PLXNA4: variants seen among roughly 807,000 people sequenced by gnomAD.
PLXNA4 encodes the protein plexin A4.
Under a neutral mutation model 191.8 loss-of-function variants are expected in PLXNA4, and 44 were observed. The ratio of observed to expected loss-of-function variants is 0.23; its 90% CI spans 0.18 to 0.29. The LOEUF is 0.29. Ranked by LOEUF, PLXNA4 falls within the 10% of genes least tolerant of loss-of-function variation. The pLI is 1.00. For synonymous variants in PLXNA4, 1,082 were observed against 1,009.5 expected (o/e 1.07, Z -1.36); for missense variants, 1,800 against 2,488.8 (o/e 0.72, Z 5.89).
rs548452132 is a variant in PLXNA4 at position 132,281,864 on chromosome 7, G to A, written c.1503+16227C>T. ...CCTCTGTGTTGTACAAAAAATTTCC[G>A]TGGTCACTTGTACATCATTGCAAAG... On this transcript the variant is annotated intron_variant, in intron 4 of 31. Transcript: ENST00000321063. Among the ~76,000 whole-genome samples, 14 of 152,258 alleles carry A rather than the reference G, an allele frequency of 9.2e-5. No homozygotes were observed. In the South Asian group the frequency reaches 2.7e-3, roughly 29 times the overall value.
chr7:132,282,814 T>C (rs2116406802), intron 4 of PLXNA4, among the ~76,000 whole-genome samples: 1 of 152,130 alleles, frequency 6.6e-6, no homozygotes, highest in African/African-American at 2.4e-5. Context: ...AAACAGTAAA[T>C]AAGTAGCCTC....
At chr7:132,317,894 C>G (rs1251385319) in intron 3 of PLXNA4, among the ~76,000 whole-genome samples, 1 of 152,172 alleles carries the variant, frequency 6.6e-6, no homozygotes, top group Non-Finnish European at 1.5e-5. Flanking sequence ...AATCCAAGAG[C>G]AGGGAGTGGA....
At chr7:132,298,702 AG>A (rs774651028) in intron 3 of PLXNA4, among the ~76,000 whole-genome samples, 22 of 152,266 alleles carry the variant, frequency 1.4e-4, no homozygotes, top group Non-Finnish European at 3.1e-4. Context: ...TGAACCAGGC[AG>A]GGGGCCAACC....
chr7:132,614,441 T>A (rs1365057987), intron 2 of PLXNA4, among the ~76,000 whole-genome samples: 1 of 152,256 alleles, frequency 6.6e-6, no homozygotes, highest in Non-Finnish European at 1.5e-5. Context: ...GATAGCAGGA[T>A]GCAGCAGACA....
At chr7:132,230,460 C>A (rs534504746) in intron 5 of PLXNA4, among the ~76,000 whole-genome samples, 1 of 152,174 alleles carries the variant, frequency 6.6e-6, no homozygotes, top group East Asian at 1.9e-4. Context: ...ACTTGTTGGA[C>A]GAAGATAAAT....
chr7:132,179,446 C>T, intron 20 of PLXNA4, among the ~76,000 whole-genome samples: 1 of 150,082 alleles, frequency 6.7e-6, no homozygotes, highest in South Asian at 2.1e-4. Flanking sequence ...CAGCACTGCT[C>T]ACTGCTGCCC....
chr7:132,634,804 A>G (rs1425140352), intron 2 of PLXNA4, among the ~76,000 whole-genome samples: 1 of 152,066 alleles, frequency 6.6e-6, no homozygotes, highest in African/African-American at 2.4e-5. Flanking sequence ...GGTTAATACC[A>G]AGTCTCAACT....
At chr7:132,533,353 C>T (rs561687481) in intron 1 of PLXNA4, among the ~76,000 whole-genome samples, 30 of 152,202 alleles carry the variant, frequency 2.0e-4, no homozygotes, top group African/African-American at 5.8e-4. Flanking sequence ...TTGGGTGGAA[C>T]ATAAACTCAG....
chr7:132,275,213 G>A lies in PLXNA4; in HGVS notation c.1503+22878C>T, dbSNP rs185852927. On this transcript the variant is annotated intron_variant, in intron 4 of 31. Coordinates refer to ENST00000321063, the MANE Select transcript of PLXNA4 (RefSeq NM_020911.2). Reference sequence around the variant, plus strand: ...AAAATCTTGATTTTGTCTTCTAATTGTTTAAAATCTTTTTATTTTGAAGCA... The same window carrying A: ...AAAATCTTGATTTTGTCTTCTAATTATTTAAAATCTTTTTATTTTGAAGCA... Among the ~76,000 whole-genome samples, 817 of 151,848 alleles carry A rather than the reference G, an allele frequency of 5.4e-3. 8 individuals carry two copies. Among genetic ancestry groups the A allele is most frequent in the Non-Finnish European group, 8.1e-3 (553 of 67,942 alleles).
intron 1 of PLXNA4, among the ~76,000 whole-genome samples, chr7:132,567,167 T>G (rs1801770252): frequency 1.3e-5 from 2 of 152,290 alleles, no homozygotes; most frequent in African/African-American, 4.8e-5. Context: ...TAATTCGCCC[T>G]TATGCATCTC....
At chr7:132,435,281 G>A (rs1795426148) in intron 3 of PLXNA4, among the ~76,000 whole-genome samples, 1 of 152,078 alleles carries the variant, frequency 6.6e-6, no homozygotes, top group African/African-American at 2.4e-5. Context: ...AACAAGGGAG[G>A]AAAGAAAATA....
At chr7:132,225,802 T>C (rs1306229624) in intron 8 of PLXNA4, among the ~76,000 whole-genome samples, 1 of 152,198 alleles carries the variant, frequency 6.6e-6, no homozygotes, top group Non-Finnish European at 1.5e-5. Context: ...CTCTCTGTTC[T>C]TCATGTGGGA....
In PLXNA4 at chr7:132,421,704, TCAA is replaced by T. The variant is rs574212972; in HGVS notation, c.1371+67585_1371+67587del. ...AAACACAAAACTTACAACTTAGTGC[TCAA>T]AATGGTAATTATTATTATTATCCCA... On this transcript the variant is annotated intron_variant, in intron 3 of 31. Coordinates refer to ENST00000321063, the MANE Select transcript of PLXNA4 (RefSeq NM_020911.2). Among the ~76,000 whole-genome samples the T allele has an allele frequency of 4.6e-5, 7 of 152,240 alleles. No homozygotes were observed. The South Asian group carries it at 1.5e-3, about 32-fold the overall frequency.
intron 4 of PLXNA4, among the ~76,000 whole-genome samples, chr7:132,285,735 T>C (rs1456168482): frequency 6.6e-6 from 1 of 152,220 alleles, no homozygotes; most frequent in Non-Finnish European, 1.5e-5. Context: ...GAGTGTAAAA[T>C]GTACTTAAGT....
At chr7:132,491,551 C>G (rs1797801210) in intron 2 of PLXNA4, among the ~76,000 whole-genome samples, 1 of 152,074 alleles carries the variant, frequency 6.6e-6, no homozygotes, top group African/African-American at 2.4e-5. Context: ...ACATCCACTC[C>G]AGGCCTTTGA....
intron 3 of PLXNA4, among the ~76,000 whole-genome samples, chr7:132,445,894 TG>T (rs1795893086): frequency 6.6e-6 from 1 of 151,790 alleles, no homozygotes; most frequent in African/African-American, 2.4e-5. Context: ...CGTGATAAGG[TG>T]GGAAAATGAA....
At chr7:132,403,802 G>C (rs1205197037) in intron 3 of PLXNA4, among the ~76,000 whole-genome samples, 1 of 152,154 alleles carries the variant, frequency 6.6e-6, no homozygotes, top group African/African-American at 2.4e-5. Flanking sequence ...TCGGGGACAG[G>C]ACCTGAGGGA....
chr7:132,179,118 TACACGTGCGTGCTCAC>T (rs60421679), intron 20 of PLXNA4, among the ~76,000 whole-genome samples: 10,800 of 107,512 alleles, frequency 0.1, 928 homozygotes, highest in African/African-American at 0.15. Context: ...CACATACACA[TACACGTGCGTGCTCAC>T]ACACGTGCGT....
intron 1 of PLXNA4, among the ~76,000 whole-genome samples, chr7:132,571,581 GA>G (rs1034136625): frequency 3.9e-5 from 6 of 152,124 alleles, no homozygotes; most frequent in Non-Finnish European, 7.3e-5. Flanking sequence ...CTTTGCCCAA[GA>G]GTGAAAAAAC....
Sources: gnomAD v4.1 joint callset for allele counts (sites outside exome capture counted in the v4.1 genomes callset) on GRCh38, gnomAD v4.1.1 for gene constraint, MANE v1.5 for transcripts, NCBI Gene and HGNC (gene_info 2026-07-23, HGNC 2026-07-21) for gene names.